The following PLPP3 variants were observed in gnomAD, a reference collection of about 807,000 sequenced individuals.
The protein encoded by PLPP3 is PAP2 beta.
Under a neutral mutation model 29.6 loss-of-function variants are expected in PLPP3, and 6 were observed. The observed-to-expected ratio is 0.20, with a 90% CI of 0.11 to 0.40. The LOEUF (loss-of-function observed/expected upper bound fraction) is 0.40, where lower values mean the gene tolerates loss of function less well. Among genes scored for constraint, PLPP3 ranks in the 10% least tolerant of loss-of-function variants. The pLI is 1.00. For missense variants in PLPP3, 308 were observed against 407.7 expected (o/e 0.76, Z 2.11); for synonymous variants, 152 against 159.7 (o/e 0.95, Z 0.36).
chr1:56,566,222 G>A (rs1464971646), intron 1 of PLPP3, among the ~76,000 whole-genome samples: 1 of 152,186 alleles, frequency 6.6e-6, no homozygotes, highest in Admixed American at 6.5e-5. Flanking sequence ...GACGCTTCAG[G>A]GGTTGCCAAT....
chr1:56,577,581 G>C (rs1646244583), intron 1 of PLPP3, among the ~76,000 whole-genome samples: 1 of 152,160 alleles, frequency 6.6e-6, no homozygotes, highest in Non-Finnish European at 1.5e-5. Context: ...ATGAATACCA[G>C]AGAGGTATAA....
rs1272070907 is a variant in PLPP3 at position 56,557,080 on chromosome 1, AT to A, written c.140-19969del. On this transcript the variant is annotated intron_variant, in intron 1 of 5. Transcript: ENST00000371250. ...AGAGAAAGAAAGAAAGAAAGAAAAA[AT>A]GAGAGAGAGAGAAAGAGGCTGGGTG... Among the ~76,000 whole-genome samples the A allele has an allele frequency of 5.4e-5, 7 of 129,768 alleles. 1 individual carries two copies. The highest frequency in any genetic ancestry group is 2.4e-4 in the Admixed American group (3 of 12,688). 85.1% of individuals were successfully genotyped at this position (129,768 alleles called of 152,430 possible).
At chr1:56,519,977 T>C (rs1490368287) in intron 4 of PLPP3, among the ~76,000 whole-genome samples, 1 of 152,188 alleles carries the variant, frequency 6.6e-6, no homozygotes. Flanking sequence ...CGGTCTGCCA[T>C]TCTCTGAACT....
At chr1:56,558,477 T>C (rs1290961824) in intron 1 of PLPP3, among the ~76,000 whole-genome samples, 1 of 152,240 alleles carries the variant, frequency 6.6e-6, no homozygotes, top group Non-Finnish European at 1.5e-5. Flanking sequence ...ACTTTGTACT[T>C]ACACATTTTA....
chr1:56,538,965 A>AAAAAAAAC (rs1332908728), intron 1 of PLPP3: 2 of 151,212 alleles, frequency 1.3e-5, no homozygotes, highest in African/African-American at 4.9e-5. Context: ...GCTGCAAAAA[A>AAAAAAAAC]AAAAAACACA....
chr1:56,512,906 T>A (rs1435597142), intron 4 of PLPP3: 1 of 152,144 alleles, frequency 6.6e-6, no homozygotes, highest in Non-Finnish European at 1.5e-5. Context: ...ATTTGTGTAT[T>A]TCCCTGGGGA....
At chr1:56,501,798 GAA>G (rs869047676) in intron 5 of PLPP3, among the ~76,000 whole-genome samples, 1 of 152,106 alleles carries the variant, frequency 6.6e-6, no homozygotes, top group Non-Finnish European at 1.5e-5. Context: ...AGAGAGGGGG[GAA>G]AAAAGAGTGG....
At chr1:56,510,248 C>G (rs1645731229) in intron 5 of PLPP3, among the ~76,000 whole-genome samples, 1 of 152,190 alleles carries the variant, frequency 6.6e-6, no homozygotes, top group Non-Finnish European at 1.5e-5. Flanking sequence ...AAACACCCAT[C>G]CCCCACTGTC....
chr1:56,521,063 G>A (rs963219797), intron 4 of PLPP3, among the ~76,000 whole-genome samples: 20 of 151,084 alleles, frequency 1.3e-4, no homozygotes, highest in Admixed American at 4.6e-4. Context: ...GCAAAGCCTC[G>A]TCTCTACAAA....
chr1:56,518,099 G>A (rs1185723339), intron 4 of PLPP3, among the ~76,000 whole-genome samples: 2 of 152,112 alleles, frequency 1.3e-5, no homozygotes, highest in African/African-American at 4.8e-5. Flanking sequence ...TCACAGAAGA[G>A]GTACTCAGAA....
intron 5 of PLPP3, among the ~76,000 whole-genome samples, chr1:56,504,909 G>C (rs576398362): frequency 6.6e-6 from 1 of 152,054 alleles, no homozygotes; most frequent in African/African-American, 2.4e-5. Context: ...TCATTCTCAA[G>C]CCATTAGCAA....
intron 2 of PLPP3, among the ~76,000 whole-genome samples, chr1:56,528,806 T>C (rs1395465651): frequency 6.7e-6 from 1 of 150,154 alleles, no homozygotes; most frequent in Non-Finnish European, 1.5e-5. Flanking sequence ...AATGTATGTA[T>C]GGATGACATT....
chr1:56,527,812 C>T (rs1225225480), intron 2 of PLPP3, among the ~76,000 whole-genome samples: 1 of 152,132 alleles, frequency 6.6e-6, no homozygotes, highest in Non-Finnish European at 1.5e-5. Flanking sequence ...TGAAAGGCAG[C>T]CTGAATACCT....
intron 2 of PLPP3, among the ~76,000 whole-genome samples, chr1:56,531,118 G>A (rs908251017): frequency 6.6e-6 from 1 of 152,142 alleles, no homozygotes; most frequent in African/African-American, 2.4e-5. Flanking sequence ...TGAGACGAGT[G>A]CTCAGTGAAT....
At chr1:56,557,075 AAAAAAT>A (rs1646088748) in intron 1 of PLPP3, among the ~76,000 whole-genome samples, 17 of 134,888 alleles carry the variant, frequency 1.3e-4, no homozygotes, top group East Asian at 2.2e-4. Flanking sequence ...AGAAAGAAAG[AAAAAAT>A]GAGAGAGAGA....
intron 1 of PLPP3, among the ~76,000 whole-genome samples, chr1:56,539,574 T>C (rs1196341499): frequency 6.6e-6 from 1 of 151,410 alleles, no homozygotes; most frequent in Non-Finnish European, 1.5e-5. Context: ...CACCACAGTA[T>C]TGTGCCTGAC....
chr1:56,555,543 T>C (rs1406909999), intron 1 of PLPP3, among the ~76,000 whole-genome samples: 1 of 150,392 alleles, frequency 6.6e-6, no homozygotes, highest in Non-Finnish European at 1.5e-5. Context: ...TATCCAACAC[T>C]GCCTACTTTT....
chr1:56,535,950 G>T (rs982897638), intron 2 of PLPP3, among the ~76,000 whole-genome samples: 3 of 152,174 alleles, frequency 2.0e-5, no homozygotes, highest in Admixed American at 1.3e-4. Context: ...GAAGGTTAAA[G>T]AAATCAATGA....
At chr1:56,526,275 C>T (rs1645852577) in intron 2 of PLPP3, among the ~76,000 whole-genome samples, 1 of 152,080 alleles carries the variant, frequency 6.6e-6, no homozygotes, top group Non-Finnish European at 1.5e-5. Flanking sequence ...TGGAAGTATC[C>T]CCTCAACATT....
Sources: gnomAD v4.1 joint callset for allele counts (sites outside exome capture counted in the v4.1 genomes callset) on GRCh38, gnomAD v4.1.1 for gene constraint, MANE v1.5 for transcripts, NCBI Gene and HGNC (gene_info 2026-07-23, HGNC 2026-07-21) for gene names.